Variants in CNTNAP3 observed in about 807,000 individuals in gnomAD.
The protein encoded by CNTNAP3 is contactin-associated protein-like 3.
Under a neutral mutation model 92.1 loss-of-function variants are expected in CNTNAP3, and 36 were observed. The observed-to-expected ratio is 0.39, with a 90% CI of 0.30 to 0.52. CNTNAP3 has a LOEUF of 0.52. Among genes scored for constraint, CNTNAP3 ranks in the 20% least tolerant of loss-of-function variants. The pLI, the probability that CNTNAP3 is intolerant of heterozygous loss-of-function variation, is 0.76. For missense variants in CNTNAP3, 534 were observed against 1,069.6 expected, an observed-to-expected ratio of 0.50 and a Z score of 6.98; for synonymous variants, 232 against 422.3, an observed-to-expected ratio of 0.55 and a Z score of 5.53.
rs185680423 is a variant in CNTNAP3 at position 39,174,584 on chromosome 9, A to T, written c.1071+1365T>A. On this transcript the variant is annotated intron_variant, in intron 7 of 23. Coordinates refer to ENST00000297668, the MANE Select transcript of CNTNAP3 (RefSeq NM_033655.5). ...AAGAAAACATGTTCCCAACAATACA[A>T]ATAAATATTCCCATGATGTGCTGCT... is the stretch of plus-strand genomic sequence containing the variant. 1.4e-3 allele frequency: 915 copies of T among 638,160 alleles called. 9 individuals carry two copies. In the African/African-American group the frequency reaches 0.015, roughly 11 times the overall value. The allele number at this position is 638,160 out of a possible 1,614,324, so 39.5% of individuals were successfully genotyped here.
rs1826442875 is a variant in CNTNAP3 at position 39,100,950 on chromosome 9, GGCCCCAAAT to G, written c.2756-809_2756-801del. ...TCCAATTCGGTGGGCCTAAGGTGGG[GGCCCCAAAT>G]CTGAACTATCAATCAGCTTTGTGGG... On this transcript the variant is annotated intron_variant, in intron 17 of 23. Coordinates refer to ENST00000297668, the MANE Select transcript of CNTNAP3 (RefSeq NM_033655.5). Among the ~76,000 whole-genome samples the G allele has an allele frequency of 2.0e-5, 3 of 150,312 alleles. No homozygotes were observed. The South Asian group carries it at 6.4e-4, about 32-fold the overall frequency.
At chr9:39,110,250 G>T (rs973909978) in intron 14 of CNTNAP3, among the ~76,000 whole-genome samples, 2 of 152,066 alleles carry the variant, frequency 1.3e-5, no homozygotes, top group Non-Finnish European at 2.9e-5. Flanking sequence ...ACAAAAATTA[G>T]CTGGGTGTGA....
At chr9:39,126,629 T>A (rs1389782306) in intron 13 of CNTNAP3, among the ~76,000 whole-genome samples, 2 of 152,196 alleles carry the variant, frequency 1.3e-5, no homozygotes, top group East Asian at 3.9e-4. Flanking sequence ...GCCTTTAACA[T>A]TTGAAAATTA....
chr9:39,131,547 C>T lies in CNTNAP3; in HGVS notation c.2080+1385G>A, dbSNP rs530670612. Among the ~76,000 whole-genome samples, 528 of 151,482 alleles carry T rather than the reference C, an allele frequency of 3.5e-3. 3 individuals are homozygous for T. Among genetic ancestry groups the T allele is most frequent in the African/African-American group, 0.012 (507 of 41,218 alleles). On this transcript the variant is annotated intron_variant, in intron 13 of 23. Coordinates refer to ENST00000297668, the MANE Select transcript of CNTNAP3 (RefSeq NM_033655.5). Reference sequence around the variant, plus strand: ...GGGTAAGATTTAAGAGTGTGAGGGCCGGGCGCGGTGGCTCACGCCTGTAAT... The same window carrying T: ...GGGTAAGATTTAAGAGTGTGAGGGCTGGGCGCGGTGGCTCACGCCTGTAAT...
intron 23 of CNTNAP3, among the ~76,000 whole-genome samples, chr9:39,074,338 G>T (rs571329259): frequency 6.6e-6 from 1 of 151,080 alleles, no homozygotes; most frequent in Non-Finnish European, 1.5e-5. Context: ...CTCAATGTCA[G>T]AGTATAAATG....
At position 39,162,764 on chromosome 9, in the gene CNTNAP3, T is replaced by C. The variant is rs970037645; in HGVS notation, c.1477+3169A>G. 7.6e-5 allele frequency among the ~76,000 whole-genome samples: 11 copies of C among 144,732 alleles called. 1 individual carries two copies. Among genetic ancestry groups the C allele is most frequent in the Non-Finnish European group, 1.0e-4 (7 of 66,742 alleles). 94.9% of individuals were successfully genotyped at this position (144,732 alleles called of 152,430 possible). ...CTGACTTAGGAGTGGGAGCTTAGTATTGAGTACCCATGACACAAAGAAGGG... is the reference window on the plus strand; with the variant it reads ...CTGACTTAGGAGTGGGAGCTTAGTACTGAGTACCCATGACACAAAGAAGGG... On this transcript the variant is annotated intron_variant, in intron 9 of 23. Transcript: ENST00000297668.
intron 15 of CNTNAP3, among the ~76,000 whole-genome samples, chr9:39,104,127 G>A (rs1287696381): frequency 6.6e-6 from 1 of 152,046 alleles, no homozygotes; most frequent in East Asian, 1.9e-4. Flanking sequence ...TTCAGAGAAG[G>A]CCAAACAAAA....
At chr9:39,153,559 T>TTC (rs756247272) in intron 9 of CNTNAP3, among the ~76,000 whole-genome samples, 10 of 18,800 alleles carry the variant, frequency 5.3e-4, no homozygotes, top group Non-Finnish European at 1.0e-3. Context: ...TTCTCTTTCT[T>TTC]TCTCTCTCTC....
chr9:39,159,629 G>GAGATAGATAGATAGATAGAT (rs376195909), intron 9 of CNTNAP3: 1 of 136,220 alleles, frequency 7.3e-6, no homozygotes, highest in African/African-American at 3.0e-5. Flanking sequence ...ACCACGCCTG[G>GAGATAGATAGATAGATAGAT]AGATAGATAG....
intron 14 of CNTNAP3, among the ~76,000 whole-genome samples, chr9:39,114,449 T>C (rs1820805494): frequency 6.6e-6 from 1 of 152,136 alleles, no homozygotes; most frequent in Non-Finnish European, 1.5e-5. Flanking sequence ...TTCTAGTGAG[T>C]TTATCTCAGC....
intron 13 of CNTNAP3, among the ~76,000 whole-genome samples, chr9:39,132,424 C>G (rs1439874575): frequency 6.6e-6 from 1 of 152,028 alleles, no homozygotes; most frequent in Non-Finnish European, 1.5e-5. Flanking sequence ...CACCCACTGA[C>G]AAAAGGTTTT....
At chr9:39,095,082 T>C (rs917086385) in intron 18 of CNTNAP3, among the ~76,000 whole-genome samples, 1 of 151,690 alleles carries the variant, frequency 6.6e-6, no homozygotes, top group African/African-American at 2.4e-5. Context: ...AAGTTTTTTA[T>C]TCTTTTTGAT....
intron 21 of CNTNAP3, among the ~76,000 whole-genome samples, chr9:39,083,328 G>C (rs1195681908): frequency 6.6e-6 from 1 of 151,768 alleles, no homozygotes; most frequent in African/African-American, 2.4e-5. Context: ...TTCCATTTTT[G>C]CACTCTGTTT....
chr9:39,132,842 C>G, intron 13 of CNTNAP3, 90 bp downstream of exon 13: 3 of 1,399,248 alleles, frequency 2.1e-6, no homozygotes, highest in Non-Finnish European at 2.8e-6. Context: ...CGGGAGGGAC[C>G]CTGGCCTTTT....
chr9:39,170,338 T>A (rs1822234181), intron 8 of CNTNAP3, among the ~76,000 whole-genome samples: 1 of 80,464 alleles, frequency 1.2e-5, no homozygotes, highest in Non-Finnish European at 2.0e-5. Flanking sequence ...CCAAAAGGAA[T>A]CTTTTTTTGA....
Position 39,133,064 on chromosome 9 carries a change from G to A in CNTNAP3, c.1948C>T (p.His650Tyr), listed in dbSNP as rs1276451844. The change falls in exon 13 of 24, where the codon CAC (histidine) becomes TAC (tyrosine). Residue 650 changes from histidine (H) to tyrosine (Y), a missense_variant. Coordinates refer to ENST00000297668, the MANE Select transcript of CNTNAP3 (RefSeq NM_033655.5). ...GCGAAGGACACAGCCGAGCGCGGGT[G>A]CCCGCTGGGGGCACCTCGGAGGGTC... ...AVTLRGAPSG[H>Y]PRSAVSFAYA... 5 of 1,558,152 alleles carry A rather than the reference G, an allele frequency of 3.2e-6. No homozygotes were observed. Among genetic ancestry groups the A allele is most frequent in the Non-Finnish European group, 4.3e-6 (5 of 1,158,544 alleles).
At chr9:39,137,303 G>A (rs868222808) in intron 12 of CNTNAP3, among the ~76,000 whole-genome samples, 19 of 151,616 alleles carry the variant, frequency 1.3e-4, no homozygotes, top group Middle Eastern at 3.2e-3. Flanking sequence ...CCCATCAAAG[G>A]CATTCTTCAT....
chr9:39,120,159 G>A (rs1202954171), intron 13 of CNTNAP3, among the ~76,000 whole-genome samples: 1 of 151,986 alleles, frequency 6.6e-6, no homozygotes, highest in Non-Finnish European at 1.5e-5. Context: ...CATCATAATT[G>A]AACTTTTTGG....
Position 39,067,076 on chromosome 9 carries a change from T to C in CNTNAP3, c.*6814A>G, listed in dbSNP as rs1463673525. Among the ~76,000 whole-genome samples the C allele has an allele frequency of 1.3e-5, 2 of 152,304 alleles. No individual in the cohort carries two copies. The highest frequency in any genetic ancestry group is 2.9e-5 in the Non-Finnish European group (2 of 68,052). ...CTGTCTCTGTTTCATTTTGGATGCT[T>C]TCTACTGCTATATATATTCAAGTTT... On this transcript the variant is annotated 3_prime_UTR_variant, in exon 24 of 24. Transcript: ENST00000297668.
Sources: gnomAD v4.1 joint callset for allele counts (sites outside exome capture counted in the v4.1 genomes callset) on GRCh38, gnomAD v4.1.1 for gene constraint, MANE v1.5 for transcripts, NCBI Gene and HGNC (gene_info 2026-07-23, HGNC 2026-07-21) for gene names.